PLCL1: variants seen among roughly 807,000 people sequenced by gnomAD.
PLCL1 encodes phospholipase C like 1 (inactive).
PLCL1 carries 41 observed loss-of-function variants against 84.4 expected under a neutral mutation model. That is an observed-to-expected ratio of 0.49 (90% CI 0.38 to 0.63). The LOEUF is 0.63. Ranked by LOEUF, PLCL1 falls within the 30% of genes least tolerant of loss-of-function variation. The pLI is 0.00. For missense variants in PLCL1, 1,206 were observed against 1,367.8 expected (o/e 0.88, Z 1.87); for synonymous variants, 490 against 488.3 (o/e 1.00, Z -0.05).
intron 1 of PLCL1, among the ~76,000 whole-genome samples, chr2:198,023,480 A>C (rs1403541427): frequency 6.6e-6 from 1 of 152,240 alleles, no homozygotes; most frequent in Non-Finnish European, 1.5e-5. Flanking sequence ...GAATGGGAGA[A>C]AATTTTTGCA....
intron 5 of PLCL1, among the ~76,000 whole-genome samples, chr2:198,114,877 C>G (rs1442045490): frequency 6.6e-6 from 1 of 151,426 alleles, no homozygotes; most frequent in South Asian, 2.1e-4. Flanking sequence ...CAGACATTGT[C>G]AAATAAAGTC....
rs149570081 is a variant in PLCL1, at chr2:197,862,626, C to T, written c.240+57287C>T. 4.0e-4 allele frequency among the ~76,000 whole-genome samples: 61 copies of T among 152,180 alleles called. No homozygotes were observed. In the East Asian group the frequency reaches 0.011, roughly 28 times the overall value. ...CTTCTGTGTTGGTGCCAGTCTCAGG[C>T]TTGATGTGGGAACACTTTAGTTGTA... On this transcript the variant is annotated intron_variant, in intron 1 of 5. Coordinates refer to ENST00000428675, the MANE Select transcript of PLCL1 (RefSeq NM_006226.4).
At chr2:197,983,119 G>A in intron 1 of PLCL1, among the ~76,000 whole-genome samples, 1 of 150,000 alleles carries the variant, frequency 6.7e-6, no homozygotes. Context: ...GCTTCAGGAA[G>A]CTTCTCTTGG....
chr2:198,066,861 G>T (rs1402296179), intron 1 of PLCL1, among the ~76,000 whole-genome samples: 1 of 152,076 alleles, frequency 6.6e-6, no homozygotes, highest in East Asian at 1.9e-4. Flanking sequence ...GGGATGCGTA[G>T]TACCCCACTC....
At chr2:197,957,018 G>A (rs1689509392) in intron 1 of PLCL1, among the ~76,000 whole-genome samples, 1 of 151,734 alleles carries the variant, frequency 6.6e-6, no homozygotes. Flanking sequence ...TTCTTTACTT[G>A]GTTATTCTCT....
intron 5 of PLCL1, among the ~76,000 whole-genome samples, chr2:198,143,969 G>T (rs887837037): frequency 6.6e-6 from 1 of 151,806 alleles, no homozygotes; most frequent in Non-Finnish European, 1.5e-5. Flanking sequence ...TGATGTAGTT[G>T]TGTTAGTTAT....
chr2:198,004,687 A>T lies in PLCL1; in HGVS notation c.241-79071A>T, dbSNP rs371571589. On this transcript the variant is annotated intron_variant, in intron 1 of 5. Transcript: ENST00000428675. Reference sequence around the variant, plus strand: ...ACACATTTTTGTTAATAAATCTTAAATACTGGAAAGAATAGACTTAAGAAA... The same window carrying T: ...ACACATTTTTGTTAATAAATCTTAATTACTGGAAAGAATAGACTTAAGAAA... Among the ~76,000 whole-genome samples, 47 of 152,352 alleles carry T rather than the reference A, an allele frequency of 3.1e-4. 1 individual carries two copies. The highest frequency in any genetic ancestry group is 1.1e-3 in the African/African-American group (45 of 41,592).
At chr2:197,844,301 C>T (rs778405115) in intron 1 of PLCL1, among the ~76,000 whole-genome samples, 6 of 152,056 alleles carry the variant, frequency 3.9e-5, no homozygotes, top group Non-Finnish European at 7.4e-5. Context: ...AAGGTGACCA[C>T]TCTCCTAATT....
chr2:198,046,711 T>C (rs2105864402), intron 1 of PLCL1, among the ~76,000 whole-genome samples: 1 of 152,154 alleles, frequency 6.6e-6, no homozygotes, highest in East Asian at 1.9e-4. Flanking sequence ...TGGTGGTGTG[T>C]GCCTGTAGCC....
rs569564707 is a variant in PLCL1, at chr2:198,090,633, A to T, written c.2919+1572A>T. Among the ~76,000 whole-genome samples the T allele has an allele frequency of 2.0e-5, 3 of 152,330 alleles. No individual in the cohort carries two copies. The East Asian group carries it at 5.8e-4, about 29-fold the overall frequency. On this transcript the variant is annotated intron_variant, in intron 3 of 5. Coordinates refer to ENST00000428675, the MANE Select transcript of PLCL1 (RefSeq NM_006226.4). ...TTGCTAGGGGGAAAGTTTACCTATT[A>T]CCTGTATCTCATTTTTCATGAAATC...
At chr2:197,862,576 C>A (rs907095647) in intron 1 of PLCL1, among the ~76,000 whole-genome samples, 6 of 152,126 alleles carry the variant, frequency 3.9e-5, no homozygotes, top group Non-Finnish European at 8.8e-5. Context: ...CCCAGTTTTT[C>A]TTTCTCCATG....
chr2:197,854,609 A>T (rs1197206233), intron 1 of PLCL1, among the ~76,000 whole-genome samples: 1 of 152,240 alleles, frequency 6.6e-6, no homozygotes, highest in East Asian at 1.9e-4. Flanking sequence ...ATAAAGAAAT[A>T]CATACATAAT....
rs1055478011 is a variant in PLCL1 at position 197,902,017 on chromosome 2, A to G, written c.240+96678A>G. On this transcript the variant is annotated intron_variant, in intron 1 of 5. Transcript: ENST00000428675. ...TGAAATGCAGGCTAGAAAAGAAATC[A>G]TATAAACCCTCATAAACTCTTATTT... Among the ~76,000 whole-genome samples the G allele has an allele frequency of 2.0e-5, 3 of 152,204 alleles. No homozygotes were observed. The South Asian group carries it at 6.2e-4, about 32-fold the overall frequency.
intron 1 of PLCL1, among the ~76,000 whole-genome samples, chr2:197,825,248 A>G (rs1213850952): frequency 1.3e-5 from 2 of 152,194 alleles, no homozygotes; most frequent in African/African-American, 2.4e-5. Flanking sequence ...GTGCAAGCCA[A>G]TCATGGATTC....
chr2:198,070,360 C>T (rs1375164243), intron 1 of PLCL1, among the ~76,000 whole-genome samples: 1 of 152,064 alleles, frequency 6.6e-6, no homozygotes, highest in Non-Finnish European at 1.5e-5. Context: ...CATATGCTTA[C>T]ATCTACTCTC....
At chr2:197,946,614 T>C (rs1165160779) in intron 1 of PLCL1, among the ~76,000 whole-genome samples, 2 of 152,192 alleles carry the variant, frequency 1.3e-5, no homozygotes, top group Non-Finnish European at 2.9e-5. Flanking sequence ...AGGGAGAATA[T>C]ACTCTGGGGG....
chr2:198,046,819 A>G (rs1237582167), intron 1 of PLCL1, among the ~76,000 whole-genome samples: 1 of 152,194 alleles, frequency 6.6e-6, no homozygotes, highest in African/African-American at 2.4e-5. Flanking sequence ...AGCCTGGGCA[A>G]CAGAGTGAGA....
intron 1 of PLCL1, among the ~76,000 whole-genome samples, chr2:197,879,581 T>C (rs1252582504): frequency 1.3e-5 from 2 of 152,190 alleles, no homozygotes; most frequent in East Asian, 3.8e-4. Flanking sequence ...TTCTTTATGC[T>C]TTGGACAAAA....
At position 198,008,924 on chromosome 2, in the gene PLCL1, T is replaced by G. The variant is rs372052108; in HGVS notation, c.241-74834T>G. 5.9e-5 allele frequency among the ~76,000 whole-genome samples: 9 copies of G among 152,166 alleles called. No individual in the cohort carries two copies. In the East Asian group the frequency reaches 1.7e-3, roughly 29 times the overall value. ...ATGAGTATGAGGTGATATTTCATTG[T>G]GGTTTTTATTTGCACTCTTCTAATG... On this transcript the variant is annotated intron_variant, in intron 1 of 5. Transcript: ENST00000428675.
Sources: gnomAD v4.1 joint callset for allele counts (sites outside exome capture counted in the v4.1 genomes callset) on GRCh38, gnomAD v4.1.1 for gene constraint, MANE v1.5 for transcripts, NCBI Gene and HGNC (gene_info 2026-07-23, HGNC 2026-07-21) for gene names.